Variants in CLNK observed in about 807,000 individuals in gnomAD.
CLNK encodes cytokine-dependent hematopoietic cell linker.
In CLNK, 74 loss-of-function variants were observed where a neutral mutation model predicts 68.6. That is an observed-to-expected ratio of 1.08 (90% CI 0.89 to 1.31). The LOEUF (loss-of-function observed/expected upper bound fraction) is 1.31, where lower values mean the gene tolerates loss of function less well. Among genes scored for constraint, CLNK ranks in the 50% most tolerant of loss-of-function variants. CLNK has a pLI of 0.00. For synonymous variants in CLNK, 198 were observed against 172.2 expected (o/e 1.15, Z -1.17); for missense variants, 553 against 515.3 (o/e 1.07, Z -0.71).
chr4:10,721,816 C>T, the CLNK span, among the ~76,000 whole-genome samples: 1 of 151,748 alleles, frequency 6.6e-6, no homozygotes, highest in South Asian at 2.1e-4. Flanking sequence ...AGTACCAATC[C>T]AACCAAACAA....
chr4:10,576,249 C>T (rs140403619), intron 4 of CLNK, among the ~76,000 whole-genome samples: 18 of 152,312 alleles, frequency 1.2e-4, no homozygotes, highest in East Asian at 1.2e-3. Flanking sequence ...CAGGTCTTCA[C>T]GTCTTCCTGG....
intron 5 of CLNK, among the ~76,000 whole-genome samples, chr4:10,570,589 A>G (rs1201057104): frequency 1.3e-5 from 2 of 152,028 alleles, no homozygotes; most frequent in African/African-American, 4.8e-5. Context: ...GTGTGTTTGT[A>G]TGTTTCTGGG....
chr4:10,525,819 G>A, intron 14 of CLNK, 22 bp downstream of exon 14: 1 of 1,499,660 alleles, frequency 6.7e-7, no homozygotes, highest in Non-Finnish European at 9.2e-7. Flanking sequence ...TCAGACCTGA[G>A]AAAGGATTCC....
At chr4:10,624,847 T>A (rs1722605684) in intron 2 of CLNK, among the ~76,000 whole-genome samples, 1 of 152,122 alleles carries the variant, frequency 6.6e-6, no homozygotes, top group African/African-American at 2.4e-5. Context: ...CTTTTTGTGT[T>A]ATGGCTGTGA....
the CLNK span, among the ~76,000 whole-genome samples, chr4:10,691,246 A>G: frequency 6.6e-6 from 1 of 152,150 alleles, no homozygotes; most frequent in Non-Finnish European, 1.5e-5. Flanking sequence ...TGGGGGCATA[A>G]TATGTATTAA....
chr4:10,503,994 G>A (rs958606205), intron 17 of CLNK, among the ~76,000 whole-genome samples: 1 of 151,422 alleles, frequency 6.6e-6, no homozygotes, highest in Non-Finnish European at 1.5e-5. Context: ...TGTTGGCCAG[G>A]CTGGTCTCAA....
chr4:10,507,363 C>T (rs1303417511), intron 17 of CLNK, among the ~76,000 whole-genome samples: 5 of 152,068 alleles, frequency 3.3e-5, no homozygotes, highest in Admixed American at 1.3e-4. Context: ...CCACCCGCCT[C>T]ATCCTGCAAA....
chr4:10,642,544 C>G (rs554860170), intron 2 of CLNK, among the ~76,000 whole-genome samples: 70 of 152,222 alleles, frequency 4.6e-4, no homozygotes, highest in Non-Finnish European at 4.0e-4. Context: ...AGAGAGAAGA[C>G]AGAATGAGCA....
intron 2 of CLNK, among the ~76,000 whole-genome samples, chr4:10,654,898 C>A (rs555772871): frequency 7.2e-5 from 11 of 151,998 alleles, no homozygotes; most frequent in African/African-American, 2.2e-4. Context: ...GTCAGGAGAT[C>A]GAGATCATCC....
chr4:10,582,894 T>G (rs1720834258), intron 4 of CLNK, among the ~76,000 whole-genome samples: 1 of 152,118 alleles, frequency 6.6e-6, no homozygotes, highest in African/African-American at 2.4e-5. Flanking sequence ...CCTCACATCA[T>G]AGATATATAG....
chr4:10,494,567 C>T (rs1469968857), intron 18 of CLNK, among the ~76,000 whole-genome samples: 1 of 151,712 alleles, frequency 6.6e-6, no homozygotes, highest in Non-Finnish European at 1.5e-5. Context: ...AAGCAATTCT[C>T]CTGCCTCAGC....
chr4:10,724,134 A>G, the CLNK span, among the ~76,000 whole-genome samples: 1 of 152,206 alleles, frequency 6.6e-6, no homozygotes, highest in Non-Finnish European at 1.5e-5. Flanking sequence ...AAGGGCTTAT[A>G]CATTACTATA....
intron 2 of CLNK, among the ~76,000 whole-genome samples, chr4:10,644,894 G>A (rs1723451931): frequency 6.6e-6 from 1 of 152,128 alleles, no homozygotes; most frequent in Non-Finnish European, 1.5e-5. Flanking sequence ...TACTTCTTAA[G>A]TAGGACTTCA....
intron 2 of CLNK, among the ~76,000 whole-genome samples, chr4:10,604,791 A>G (rs1721725357): frequency 1.3e-5 from 2 of 152,068 alleles, no homozygotes; most frequent in Non-Finnish European, 1.5e-5. Context: ...ACTACTCCCC[A>G]CCTATTCACT....
chr4:10,728,094 A>G, the CLNK span, among the ~76,000 whole-genome samples: 65,504 of 151,994 alleles, frequency 0.43, 14,901 homozygotes, highest in East Asian at 0.7. Context: ...AACTGGGGAA[A>G]GGCTTCTGGT....
intron 2 of CLNK, among the ~76,000 whole-genome samples, chr4:10,619,869 G>A (rs2088766585): frequency 6.6e-6 from 1 of 152,134 alleles, no homozygotes; most frequent in Non-Finnish European, 1.5e-5. Context: ...CAGTCACCAA[G>A]AGGTAAGAGG....
intron 2 of CLNK, among the ~76,000 whole-genome samples, chr4:10,644,603 G>A (rs971595400): frequency 1.2e-4 from 19 of 152,138 alleles, no homozygotes; most frequent in African/African-American, 4.6e-4. Context: ...AGACACATGA[G>A]GCCCTTGCAT....
At position 10,513,528 on chromosome 4, in the gene CLNK, T is replaced by C. The variant is rs1717695101; in HGVS notation, c.842A>G (p.Glu281Gly). 1.9e-6 allele frequency: 3 copies of C among 1,611,250 alleles called. No homozygotes were observed. The East Asian group carries it at 6.7e-5, about 36-fold the overall frequency. Reference protein sequence around the residue: ...CQPPASCSPHENILPYKYTSW... With the variant: ...CQPPASCSPHGNILPYKYTSW... ...TGTGTATTTATAGGGCAGTATATTT[T>C]CGTGAGGGCTGCAGCTGGCTGGAGG... The change falls in exon 16 of 19, where the codon GAA (glutamate) becomes GGA (glycine). Residue 281 changes from glutamate to glycine, a missense_variant. Coordinates refer to ENST00000226951, the MANE Select transcript of CLNK (RefSeq NM_052964.4).
intron 2 of CLNK, among the ~76,000 whole-genome samples, chr4:10,640,501 T>G (rs1451268414): frequency 5.3e-5 from 8 of 152,198 alleles, no homozygotes; most frequent in African/African-American, 1.9e-4. Context: ...TAAAAGTATC[T>G]CTCTGTGTCA....
Sources: allele counts gnomAD v4.1 joint callset (sites outside exome capture counted in the v4.1 genomes callset), GRCh38; gene constraint gnomAD v4.1.1; transcripts MANE v1.5; gene names NCBI Gene and HGNC (gene_info 2026-07-23, HGNC 2026-07-21).